COBLL1: variants seen among roughly 807,000 people sequenced by gnomAD.
COBLL1 encodes cordon-bleu WH2 repeat protein like 1, also known as cordon-bleu protein-like 1.
In COBLL1, 50 loss-of-function variants were observed where a neutral mutation model predicts 94.8. The observed-to-expected ratio is 0.53, with a 90% CI of 0.42 to 0.67. The LOEUF (loss-of-function observed/expected upper bound fraction) is 0.67. Ranked by LOEUF, COBLL1 falls within the 30% of genes least tolerant of loss-of-function variation. COBLL1 has a pLI of 0.00. For synonymous variants in COBLL1, 448 were observed against 473.8 expected (o/e 0.95, Z 0.71); for missense variants, 1,362 against 1,348.7 (o/e 1.01, Z -0.15).
At chr2:164,691,071 A>G (rs921547256) in intron 13 of COBLL1, among the ~76,000 whole-genome samples, 11 of 152,140 alleles carry the variant, frequency 7.2e-5, no homozygotes, top group Non-Finnish European at 2.9e-5. Flanking sequence ...CCACTGTAGT[A>G]TTCCCTCCTG....
intron 2 of COBLL1, among the ~76,000 whole-genome samples, chr2:164,756,478 C>G (rs1370748399): frequency 6.6e-6 from 1 of 151,774 alleles, no homozygotes; most frequent in Non-Finnish European, 1.5e-5. Context: ...CTTATAATAT[C>G]TAAAATAGTT....
At chr2:164,779,098 C>CTTGTTG (rs3835928) in intron 2 of COBLL1, among the ~76,000 whole-genome samples, 78 of 151,608 alleles carry the variant, frequency 5.1e-4, no homozygotes, top group African/African-American at 1.1e-3. Context: ...AGATCAATTG[C>CTTGTTG]TTGTTGTTGT....
chr2:164,724,968 G>A (rs957133468), intron 5 of COBLL1: 1 of 151,626 alleles, frequency 6.6e-6, no homozygotes. Flanking sequence ...TAACGAACAC[G>A]TAGATAGCAC....
At chr2:164,840,481 A>ATAT (rs1683537661) in intron 2 of COBLL1, among the ~76,000 whole-genome samples, 1 of 151,678 alleles carries the variant, frequency 6.6e-6, no homozygotes, top group African/African-American at 2.4e-5. Flanking sequence ...TCTGGCAGGA[A>ATAT]GACATGCCTC....
rs757148385 is a variant in COBLL1 at position 164,694,626 on chromosome 2, C to G, written c.2766G>C (p.Met922Ile). 6.2e-7 allele frequency: 1 copy of G among 1,613,808 alleles called. No individual in the cohort carries two copies. Among genetic ancestry groups the G allele is most frequent in the Admixed American group, 1.7e-5 (1 of 59,932 alleles). ...CAAGGGGTTGTGGAACAGAGTGAGGCATTTTACTTAAGGGAGAAAGAGTCT... is the reference window on the plus strand; with the variant it reads ...CAAGGGGTTGTGGAACAGAGTGAGGGATTTTACTTAAGGGAGAAAGAGTCT... ...PEQTLSPLSK[M>I]PHSVPQPLVE... Residue 922 changes from methionine to isoleucine, a missense_variant, in exon 12 of 14, where the codon ATG becomes ATC. By Grantham distance (10) the Met-to-Ile change is conservative. Coordinates refer to ENST00000652658, the MANE Select transcript of COBLL1 (RefSeq NM_001365672.2).
At chr2:164,821,213 T>C (rs1022798182) in intron 2 of COBLL1, among the ~76,000 whole-genome samples, 1 of 152,060 alleles carries the variant, frequency 6.6e-6, no homozygotes, top group Non-Finnish European at 1.5e-5. Context: ...TAGATGAGTA[T>C]CCATGTCAAA....
At chr2:164,783,251 T>C (rs982315543) in intron 2 of COBLL1, among the ~76,000 whole-genome samples, 3 of 151,854 alleles carry the variant, frequency 2.0e-5, no homozygotes, top group African/African-American at 7.3e-5. Context: ...AAAATAAATA[T>C]TAGAAAAAAA....
intron 12 of COBLL1, among the ~76,000 whole-genome samples, chr2:164,692,995 A>G (rs1683696377): frequency 6.6e-6 from 1 of 152,172 alleles, no homozygotes; most frequent in Admixed American, 6.6e-5. Flanking sequence ...AGGAACTTCC[A>G]AACTGAAGAC....
chr2:164,778,153 G>A (rs1688560749), intron 2 of COBLL1, among the ~76,000 whole-genome samples: 3 of 152,102 alleles, frequency 2.0e-5, no homozygotes, highest in Non-Finnish European at 2.9e-5. Flanking sequence ...GACTGATCAG[G>A]GGAAACTCAC....
chr2:164,809,131 T>G (rs970254419), intron 2 of COBLL1, among the ~76,000 whole-genome samples: 1 of 152,074 alleles, frequency 6.6e-6, no homozygotes, highest in African/African-American at 2.4e-5. Context: ...TCATTTAAAT[T>G]AGGTATGAAT....
At chr2:164,765,200 C>T (rs999355531) in intron 2 of COBLL1, among the ~76,000 whole-genome samples, 8 of 152,226 alleles carry the variant, frequency 5.3e-5, no homozygotes, top group Middle Eastern at 3.4e-3. Flanking sequence ...CTTCATGACA[C>T]GTTGCAATGG....
intron 2 of COBLL1, among the ~76,000 whole-genome samples, chr2:164,777,239 C>T (rs924102179): frequency 2.6e-5 from 4 of 151,258 alleles, no homozygotes; most frequent in African/African-American, 7.3e-5. Context: ...ATATACAAAC[C>T]TTACTATTGG....
chr2:164,719,990 A>G (rs192976745), intron 7 of COBLL1, among the ~76,000 whole-genome samples: 1 of 152,172 alleles, frequency 6.6e-6, no homozygotes, highest in Non-Finnish European at 1.5e-5. Context: ...ACCAAGGAAG[A>G]AAAAGACAAA....
intron 7 of COBLL1, 188 bp from the exon 8 acceptor site, chr2:164,705,293 T>A (rs1446654226): frequency 2.0e-5 from 8 of 397,892 alleles, no homozygotes; most frequent in Non-Finnish European, 3.5e-5. Flanking sequence ...TAAAGAAAAA[T>A]AAAATACGGC....
chr2:164,699,583 T>C (rs1342108673), intron 10 of COBLL1, 84 bp from the exon 11 acceptor site: 3 of 720,280 alleles, frequency 4.2e-6, no homozygotes, highest in East Asian at 5.2e-5. Flanking sequence ...ACACACACAA[T>C]GAGAAACAGG....
chr2:164,745,308 T>C (rs967331606), intron 2 of COBLL1, among the ~76,000 whole-genome samples: 10 of 152,118 alleles, frequency 6.6e-5, no homozygotes, highest in African/African-American at 2.2e-4. Context: ...AATAGAAACA[T>C]ATTGTACTTC....
In COBLL1 at chr2:164,711,742, A is replaced by T. The variant is rs889944221; in HGVS notation, c.997-6637T>A. Among the ~76,000 whole-genome samples the T allele has an allele frequency of 6.6e-5, 10 of 152,226 alleles. No individual in the cohort carries two copies. The East Asian group carries it at 1.2e-3, about 18-fold the overall frequency. The stretch of plus-strand genomic sequence containing the variant: ...ACCAACAAACATTTACTTTGTTCAA[A>T]TTATGACTACATTTTAAAAAGTGGT... On this transcript the variant is annotated intron_variant, in intron 7 of 13. Transcript: ENST00000652658.
chr2:164,751,070 GA>G (rs1163118595), intron 2 of COBLL1, among the ~76,000 whole-genome samples: 1 of 152,028 alleles, frequency 6.6e-6, no homozygotes, highest in African/African-American at 2.4e-5. Flanking sequence ...CTTTTAACCA[GA>G]AAACTTCAAA....
At chr2:164,834,663 G>A (rs975351263) in intron 2 of COBLL1, among the ~76,000 whole-genome samples, 4 of 151,948 alleles carry the variant, frequency 2.6e-5, no homozygotes, top group African/African-American at 7.3e-5. Context: ...TTTTAGCTTT[G>A]CAGGCCATAT....
Sources: gnomAD v4.1 joint callset for allele counts (sites outside exome capture counted in the v4.1 genomes callset) on GRCh38, gnomAD v4.1.1 for gene constraint, MANE v1.5 for transcripts, NCBI Gene and HGNC (gene_info 2026-07-23, HGNC 2026-07-21) for gene names.